Variants in MUC5B observed in about 807,000 individuals in gnomAD.
The protein encoded by MUC5B is mucin-5B.
MUC5B carries 116 observed loss-of-function variants against 376.9 expected under a neutral mutation model. That is an observed-to-expected ratio of 0.31 (90% CI 0.26 to 0.36). The LOEUF (loss-of-function observed/expected upper bound fraction) is 0.36. Ranked by LOEUF, MUC5B falls within the 10% of genes least tolerant of loss-of-function variation. MUC5B has a pLI of 1.00. For synonymous variants in MUC5B, 3,517 were observed against 3,390.9 expected (o/e 1.04, Z -1.29); for missense variants, 7,165 against 7,769.9 (o/e 0.92, Z 2.93).
intron 15 of MUC5B, 58 bp from the exon 16 acceptor site, chr11:1,232,390 CGT>C: frequency 6.6e-7 from 1 of 1,514,502 alleles, no homozygotes. Context: ...CGCAGGCCTG[CGT>C]GTCAGGGGTG....
intron 25 of MUC5B, among the ~76,000 whole-genome samples, chr11:1,237,963 CTGAGA>C (rs1862192934): frequency 1.3e-5 from 2 of 152,202 alleles, no homozygotes; most frequent in Non-Finnish European, 2.9e-5. Flanking sequence ...GGCTCAGGAG[CTGAGA>C]TGAGGGGCTG....
intron 1 of MUC5B, among the ~76,000 whole-genome samples, chr11:1,224,532 G>C (rs1462175181): frequency 4.2e-5 from 6 of 144,492 alleles, no homozygotes; most frequent in South Asian, 2.3e-4. Flanking sequence ...TGCCTGGGGC[G>C]GGGGAGGGGC....
Position 1,229,698 on chromosome 11 carries a change from C to G in MUC5B, c.1111C>G (p.Leu371Val), listed in dbSNP as rs1337582232. The G allele has an allele frequency of 1.3e-6, 2 of 1,577,524 alleles. No individual in the cohort carries two copies. Among genetic ancestry groups the G allele is most frequent in the Non-Finnish European group, 1.7e-6 (2 of 1,167,036 alleles). ...DGCFCPPGTV[L>V]DDITHSGCLP... Reference sequence around the variant, plus strand: ...CACGCCGCGCCCCACAGGCACGGTGCTGGATGACATCACGCACTCTGGCTG... The same window carrying G: ...CACGCCGCGCCCCACAGGCACGGTGGTGGATGACATCACGCACTCTGGCTG... Residue 371 changes from leucine (L) to valine (V), a missense_variant, in exon 10 of 49, where the codon CTG (leucine) becomes GTG (valine). By Grantham distance (32) the Leu-to-Val change is conservative. This residue lies in a region of MUC5B where 640 missense variants were observed against 733.0 expected (regional missense o/e 0.87). Transcript: ENST00000529681.
chr11:1,228,377 C>T (rs1156963810), intron 7 of MUC5B, 187 bp from the exon 8 acceptor site: 7 of 581,562 alleles, frequency 1.2e-5, no homozygotes, highest in South Asian at 2.4e-5. Context: ...TCCCCGGTCA[C>T]GGGTCACTCC....
chr11:1,237,077 C>T lies in MUC5B; in HGVS notation c.3210C>T (p.Pro1070=). ...SCPDALAPKD[P]CTANPFRKSW... ...CGGACGCCCTGGCACCCAAGGACCC[C>T]TGCACGGCCAACCCCTTCCGCAAGT... The change falls in exon 25 of 49, where the codon CCC becomes CCT. Residue 1070 remains proline (P), a synonymous_variant. Coordinates refer to ENST00000529681, the MANE Select transcript of MUC5B (RefSeq NM_002458.3). The T allele has an allele frequency of 6.4e-7, 1 of 1,572,374 alleles. No individual in the cohort carries two copies. The highest frequency in any genetic ancestry group is 1.2e-5 in the South Asian group (1 of 85,450).
chr11:1,240,806 A>G (rs1193310840), intron 30 of MUC5B, 45 bp from the exon 31 acceptor site: 3 of 1,535,186 alleles, frequency 2.0e-6, no homozygotes, highest in Non-Finnish European at 2.6e-6. Context: ...TGAGGCCAGG[A>G]CTGGAGGATG....
Position 1,239,481 on chromosome 11 carries a change from G to A in MUC5B, c.3498G>A (p.Trp1166Ter). 1 of 1,607,630 alleles carries A rather than the reference G, an allele frequency of 6.2e-7. No homozygotes were observed. The highest frequency in any genetic ancestry group is 8.5e-7 in the Non-Finnish European group (1 of 1,175,708). The change falls in exon 27 of 49, where the codon TGG (tryptophan) becomes TGA (stop). Residue 1166 changes from tryptophan (W) to a stop codon, truncating the protein, a stop_gained. Transcript: ENST00000529681. LOFTEE classifies it high-confidence loss of function. ...ACAACCCACATGGGGGCTGTGAGTG[G>A]CACTACCAGCCCTGCGGGGCACCCT... is the stretch of plus-strand genomic sequence containing the variant. Reference protein sequence around the residue: ...DFYNPHGGCEWHYQPCGAPCL... With the variant: ...DFYNPHGGCE
At position 1,244,563 on chromosome 11, in the gene MUC5B, C is replaced by A; in HGVS notation, c.7683C>A (p.Thr2561=). ...RLSQTTTPTA[T]MSTATPSSTP... ...CACAGACCACCACACCCACGGCCAC[C>A]ATGTCCACAGCCACACCCTCCTCCA... Residue 2561 remains threonine (T), a synonymous_variant, in exon 31 of 49, where the codon ACC becomes ACA. Transcript: ENST00000529681. 1.2e-6 allele frequency: 2 copies of A among 1,613,142 alleles called. No homozygotes were observed. The highest frequency in any genetic ancestry group is 2.2e-5 in the South Asian group (2 of 91,018).
rs1373308355 is a variant in MUC5B at position 1,245,865 on chromosome 11, G to A, written c.8985G>A (p.Glu2995=). 6.2e-7 allele frequency: 1 copy of A among 1,613,384 alleles called. No individual in the cohort carries two copies. Among genetic ancestry groups the A allele is most frequent in the Admixed American group, 1.7e-5 (1 of 59,986 alleles). ...CAGGGACGACCTGGATCCTCACAGAGCAGACCACAGCAGCCACTACGACCG... is the reference window on the plus strand; with the variant it reads ...CAGGGACGACCTGGATCCTCACAGAACAGACCACAGCAGCCACTACGACCG... The part of the protein sequence containing the change: ...STPGTTWILT[E]QTTAATTTAT... The change falls in exon 31 of 49, where the codon GAG becomes GAA. Residue 2995 remains glutamate, a synonymous_variant. Transcript: ENST00000529681.
In MUC5B at chr11:1,251,209, A is replaced by C. The variant is rs2040272829; in HGVS notation, c.14329A>C (p.Thr4777Pro). ...CACCACACCCATGTCCACCATGTCC[A>C]CAATCCACACCTCCTCTACTCCAGA... ...QTTTPMSTMSTIHTSSTPETT... is the reference protein window; with the variant it reads ...QTTTPMSTMSPIHTSSTPETT... Residue 4777 changes from threonine (T) to proline (P), a missense_variant, in exon 31 of 49, where the codon ACA (threonine) becomes CCA (proline). Transcript: ENST00000529681. 3.7e-6 allele frequency: 6 copies of C among 1,611,038 alleles called. No individual in the cohort carries two copies. The highest frequency in any genetic ancestry group is 1.6e-4 in the Middle Eastern group (1 of 6,062).
intron 44 of MUC5B, chr11:1,259,496 G>A: frequency 1.7e-6 from 1 of 571,916 alleles, no homozygotes; most frequent in South Asian, 2.1e-5. Flanking sequence ...GTCTGGGGGT[G>A]GGACAGGACC....
rs758725807 is a variant in MUC5B, at chr11:1,239,961, G to A, written c.3728+18G>A. 1.6e-5 allele frequency: 25 copies of A among 1,611,700 alleles called. No homozygotes were observed. Among genetic ancestry groups the A allele is most frequent in the Middle Eastern group, 1.7e-4 (1 of 6,046 alleles). On this transcript the variant is annotated intron_variant, in intron 28 of 48. Coordinates refer to ENST00000529681, the MANE Select transcript of MUC5B (RefSeq NM_002458.3). ...CAGAGCTGGTGAGGGGGTGGGAAGC[G>A]GGTGGCGCTGGGGGAGCAGGGCTGG...
At position 1,258,820 on chromosome 11, in the gene MUC5B, G is replaced by A. The variant is rs56064918; in HGVS notation, c.16594-122G>A. 38,592 of 1,354,958 alleles carry A rather than the reference G, an allele frequency of 0.028. 730 individuals carry two copies. The highest frequency in any genetic ancestry group is 0.032 in the Non-Finnish European group (32,023 of 1,001,878). 83.9% of individuals were successfully genotyped at this position (1,354,958 alleles called of 1,614,324 possible). Reference sequence around the variant, plus strand: ...CTGCCTGGGTCCATGCTCAGCCAGGGGTGCATCTATGCTCCATCTGAGGAA... The same window carrying A: ...CTGCCTGGGTCCATGCTCAGCCAGGAGTGCATCTATGCTCCATCTGAGGAA... On this transcript the variant is annotated intron_variant, in intron 43 of 48. Coordinates refer to ENST00000529681, the MANE Select transcript of MUC5B (RefSeq NM_002458.3). The surrounding 1 kb of genome is among the most constrained non-coding windows in gnomAD (Gnocchi z 5.5).
rs773664120 is a variant in MUC5B, at chr11:1,242,200, A to C, written c.5320A>C (p.Asn1774His). 8 of 1,613,562 alleles carry C rather than the reference A, an allele frequency of 5.0e-6. No individual in the cohort carries two copies. The East Asian group carries it at 1.8e-4, about 36-fold the overall frequency. Residue 1774 changes from asparagine (N) to histidine (H), a missense_variant, in exon 31 of 49, where the codon AAC (asparagine) becomes CAC (histidine). This residue lies in a region of MUC5B where 897 missense variants were observed against 779.6 expected (regional missense o/e 1.15). Coordinates refer to ENST00000529681, the MANE Select transcript of MUC5B (RefSeq NM_002458.3). ...RTETTMSPLT[N>H]TTTSQGTTRC... ...AGAGACGACAATGAGCCCCTTGACT[A>C]ACACCACCACCAGCCAGGGCACGAC...
chr11:1,253,990 T>A lies in MUC5B; in HGVS notation c.15218-102T>A. The A allele has an allele frequency of 6.7e-7, 1 of 1,483,870 alleles. No homozygotes were observed. The highest frequency in any genetic ancestry group is 9.0e-7 in the Non-Finnish European group (1 of 1,111,178). 91.9% of individuals were successfully genotyped at this position (1,483,870 alleles called of 1,614,324 possible). A position where few individuals can be genotyped will look rare whatever the true frequency, so the allele number is the denominator to read the frequency against. On this transcript the variant is annotated intron_variant, in intron 33 of 48. Transcript: ENST00000529681. The surrounding 1 kb of genome is among the most constrained non-coding windows in gnomAD (Gnocchi z 4.3). ...CTGAGGCCCCAGGGGCTTCAGTGGC[T>A]CCCCAAGGCGGCAGTCACAGTGGTG...
chr11:1,242,972 G>A lies in MUC5B; in HGVS notation c.6092G>A (p.Gly2031Glu). The A allele has an allele frequency of 6.2e-7, 1 of 1,610,526 alleles. No homozygotes were observed. Among genetic ancestry groups the A allele is most frequent in the Non-Finnish European group, 8.5e-7 (1 of 1,178,654 alleles). The change falls in exon 31 of 49, where the codon GGG (glycine) becomes GAG (glutamate). Residue 2031 changes from glycine to glutamate, a missense_variant. Coordinates refer to ENST00000529681, the MANE Select transcript of MUC5B (RefSeq NM_002458.3). Reference sequence around the variant, plus strand: ...CTTACCGCCACGGCCACCACAACTGGGGCCACCGGCTCTGTGGCCACCCCC... The same window carrying A: ...CTTACCGCCACGGCCACCACAACTGAGGCCACCGGCTCTGTGGCCACCCCC... Reference protein sequence around the residue: ...TVLTATATTTGATGSVATPSS... With the variant: ...TVLTATATTTEATGSVATPSS...
intron 25 of MUC5B, 48 bp from the exon 26 acceptor site, chr11:1,238,823 C>CG (rs772590492): frequency 1.2e-4 from 187 of 1,530,466 alleles, no homozygotes; most frequent in Admixed American, 2.0e-4. Context: ...ACCCCCTGGC[C>CG]GGGGGGGCCA....
In MUC5B at chr11:1,247,997, C is replaced by G. The variant is rs752407261; in HGVS notation, c.11117C>G (p.Thr3706Ser). 7 of 1,610,218 alleles carry G rather than the reference C, an allele frequency of 4.3e-6. No individual in the cohort carries two copies. The African/African-American group carries it at 5.4e-5, about 12-fold the overall frequency. The part of the protein sequence containing the change: ...LTTTATTTES[T>S]GSTATPSSTP... ...ACAACAGCCACTACGACTGAGTCCA[C>G]TGGATCCACGGCCACCCCGTCCTCC... Residue 3706 changes from threonine (T) to serine (S), a missense_variant, in exon 31 of 49, where the codon ACT becomes AGT. By Grantham distance (58) the Thr-to-Ser change is moderately conservative (BLOSUM62 1). This residue lies in a region of MUC5B where 90 missense variants were observed against 71.1 expected (regional missense o/e 1.27). Coordinates refer to ENST00000529681, the MANE Select transcript of MUC5B (RefSeq NM_002458.3).
chr11:1,243,609 T>G lies in MUC5B; in HGVS notation c.6729T>G (p.Gly2243=), dbSNP rs758210993. The G allele has an allele frequency of 7.7e-5, 124 of 1,608,822 alleles. No homozygotes were observed. The highest frequency in any genetic ancestry group is 9.7e-5 in the Non-Finnish European group (114 of 1,178,710). The change falls in exon 31 of 49, where the codon GGT becomes GGG. Residue 2243 remains glycine (G), a synonymous_variant. Coordinates refer to ENST00000529681, the MANE Select transcript of MUC5B (RefSeq NM_002458.3). ...CCCACACCCTAGCAGCAACCACCGG[T>G]ACCACCCAGCACTCGACTCCAGCCC... ...VTSHTLAATT[G]TTQHSTPALS...
Sources: allele counts gnomAD v4.1 joint callset (sites outside exome capture counted in the v4.1 genomes callset), GRCh38; gene constraint gnomAD v4.1.1; regional missense constraint gnomAD v4.1.1; non-coding constraint Gnocchi (gnomAD v3.1); transcripts MANE v1.5; gene names NCBI Gene and HGNC (gene_info 2026-07-23, HGNC 2026-07-21).